Variants in GALNT13 observed in about 807,000 individuals in gnomAD.
GALNT13 encodes polypeptide N-acetylgalactosaminyltransferase 13, also known as UDP-GalNAc:polypeptide N-acetylgalactosaminyltransferase 13.
Under a neutral mutation model 64.2 loss-of-function variants are expected in GALNT13, and 28 were observed. That is an observed-to-expected ratio of 0.44 (90% CI 0.32 to 0.60). GALNT13 has a LOEUF of 0.60. GALNT13 is among the 20% of genes least tolerant of loss of function. GALNT13 has a pLI of 0.05. For missense variants in GALNT13, 577 were observed against 669.8 expected (o/e 0.86, Z 1.53); for synonymous variants, 214 against 224.6 (o/e 0.95, Z 0.42).
chr2:153,434,890 A>G, the GALNT13 span, among the ~76,000 whole-genome samples: 2 of 152,170 alleles, frequency 1.3e-5, no homozygotes, highest in African/African-American at 2.4e-5. Flanking sequence ...TGTTTTAGAC[A>G]TGAAGTCCTT....
At chr2:154,236,792 A>C (rs919708942) in intron 4 of GALNT13, among the ~76,000 whole-genome samples, 2 of 152,078 alleles carry the variant, frequency 1.3e-5, no homozygotes, top group Non-Finnish European at 1.5e-5. Flanking sequence ...ACTTCATAAG[A>C]CATGTTGCTA....
At chr2:153,390,426 G>A in the GALNT13 span, among the ~76,000 whole-genome samples, 1 of 151,650 alleles carries the variant, frequency 6.6e-6, no homozygotes, top group Non-Finnish European at 1.5e-5. Flanking sequence ...AAAACTGAAT[G>A]TTCTGCACAT....
At chr2:153,819,069 ACT>A in the GALNT13 span, among the ~76,000 whole-genome samples, 1 of 151,546 alleles carries the variant, frequency 6.6e-6, no homozygotes, top group Middle Eastern at 3.5e-3. Flanking sequence ...CCCCATTCTA[ACT>A]CTGTAGCATC....
intron 3 of GALNT13, among the ~76,000 whole-genome samples, chr2:153,991,488 A>G (rs555125544): frequency 6.6e-6 from 1 of 152,288 alleles, no homozygotes; most frequent in South Asian, 2.1e-4. Context: ...GGAGGAGTGT[A>G]TGGGCAGGAG....
At chr2:154,410,285 C>A (rs890613722) in intron 11 of GALNT13, among the ~76,000 whole-genome samples, 1 of 151,874 alleles carries the variant, frequency 6.6e-6, no homozygotes, top group South Asian at 2.1e-4. Context: ...AAATGCTTAA[C>A]TATAAGAGGA....
chr2:153,707,321 G>T, the GALNT13 span, among the ~76,000 whole-genome samples: 10 of 152,088 alleles, frequency 6.6e-5, no homozygotes, highest in Admixed American at 2.0e-4. Context: ...CCATATGCTT[G>T]ATCTTTATTA....
intron 3 of GALNT13, among the ~76,000 whole-genome samples, chr2:153,980,740 A>G (rs1008831304): frequency 1.3e-5 from 2 of 152,164 alleles, no homozygotes; most frequent in African/African-American, 4.8e-5. Context: ...CTCTACTCAT[A>G]TAAACCTTTT....
At chr2:153,414,991 G>C in the GALNT13 span, among the ~76,000 whole-genome samples, 1 of 150,848 alleles carries the variant, frequency 6.6e-6, no homozygotes, top group African/African-American at 2.4e-5. Context: ...TAATTGCTTT[G>C]CTCTCCCAGG....
the GALNT13 span, among the ~76,000 whole-genome samples, chr2:153,315,408 G>A: frequency 6.6e-6 from 1 of 152,160 alleles, no homozygotes; most frequent in East Asian, 1.9e-4. Context: ...TCACCTCCCA[G>A]GAGCCCCACT....
At chr2:154,216,802 C>CTTTTTTT (rs397872685) in intron 4 of GALNT13, among the ~76,000 whole-genome samples, 51 of 71,302 alleles carry the variant, frequency 7.2e-4, no homozygotes, top group Non-Finnish European at 9.0e-4. Flanking sequence ...TTCTCTCTCT[C>CTTTTTTT]TTTTTTTTTT....
At chr2:154,210,515 A>C (rs2105798797) in intron 4 of GALNT13, among the ~76,000 whole-genome samples, 1 of 152,272 alleles carries the variant, frequency 6.6e-6, no homozygotes, top group East Asian at 1.9e-4. Flanking sequence ...ATGAAGGCCA[A>C]TGTACCTACT....
chr2:153,146,558 A>C, the GALNT13 span, among the ~76,000 whole-genome samples: 1 of 151,880 alleles, frequency 6.6e-6, no homozygotes, highest in Admixed American at 6.6e-5. Flanking sequence ...TCATGACTGC[A>C]GGGTACATTA....
At chr2:153,409,510 A>C in the GALNT13 span, among the ~76,000 whole-genome samples, 1 of 151,830 alleles carries the variant, frequency 6.6e-6, no homozygotes, top group Non-Finnish European at 1.5e-5. Context: ...AAGCAACCAC[A>C]ACAGAAGCAA....
the GALNT13 span, among the ~76,000 whole-genome samples, chr2:153,434,401 C>T: frequency 6.6e-6 from 1 of 152,194 alleles, no homozygotes; most frequent in Admixed American, 6.5e-5. Flanking sequence ...TGAGGAATCG[C>T]CACACCGACT....
At chr2:153,300,167 C>T in the GALNT13 span, among the ~76,000 whole-genome samples, 1 of 152,130 alleles carries the variant, frequency 6.6e-6, no homozygotes, top group Non-Finnish European at 1.5e-5. Flanking sequence ...AGAGAAGAAA[C>T]AATACTTCAA....
chr2:154,251,000 T>TA (rs1336070606), intron 7 of GALNT13, among the ~76,000 whole-genome samples: 7 of 152,096 alleles, frequency 4.6e-5, no homozygotes, highest in Admixed American at 3.3e-4. Flanking sequence ...TTGAGAGAAG[T>TA]AAAAAATTAT....
chr2:154,183,141 G>A (rs1686054833), intron 4 of GALNT13, among the ~76,000 whole-genome samples: 1 of 152,126 alleles, frequency 6.6e-6, no homozygotes, highest in Non-Finnish European at 1.5e-5. Flanking sequence ...GAATTCATCA[G>A]TTAAGCCATT....
the GALNT13 span, among the ~76,000 whole-genome samples, chr2:153,856,469 G>A: frequency 2.6e-5 from 4 of 152,028 alleles, no homozygotes; most frequent in Non-Finnish European, 1.5e-5. Context: ...TGGATCTAAG[G>A]TTTGAATGAC....
chr2:153,355,315 A>C, the GALNT13 span, among the ~76,000 whole-genome samples: 1 of 152,312 alleles, frequency 6.6e-6, no homozygotes, highest in Non-Finnish European at 1.5e-5. Flanking sequence ...AGATGTTATG[A>C]ATAAATGTAT....
Sources: allele counts gnomAD v4.1 joint callset (sites outside exome capture counted in the v4.1 genomes callset), GRCh38; gene constraint gnomAD v4.1.1; transcripts MANE v1.5; gene names NCBI Gene and HGNC (gene_info 2026-07-23, HGNC 2026-07-21).